Variants in NDST4 observed in about 807,000 individuals in gnomAD.
NDST4 encodes N-heparan sulfate sulfotransferase 4.
NDST4 carries 63 observed loss-of-function variants against 100.8 expected under a neutral mutation model. That is an observed-to-expected ratio of 0.62 (90% CI 0.51 to 0.77). The LOEUF is 0.77. NDST4 is among the 30% of genes least tolerant of loss of function. The pLI, the probability that NDST4 is intolerant of heterozygous loss-of-function variation, is 0.00. For missense variants in NDST4, 943 were observed against 1,018.4 expected, an observed-to-expected ratio of 0.93 and a Z score of 1.01; for synonymous variants, 377 against 361.8, an observed-to-expected ratio of 1.04 and a Z score of -0.48.
intron 6 of NDST4, among the ~76,000 whole-genome samples, chr4:114,872,441 A>C (rs1724168139): frequency 1.3e-5 from 2 of 152,064 alleles, no homozygotes; most frequent in Non-Finnish European, 2.9e-5. Context: ...GATAGATATC[A>C]GTTCGTTGTT....
Position 114,839,631 on chromosome 4 carries a change from A to C in NDST4, c.2116-83T>G, listed in dbSNP as rs554935038. Reference sequence around the variant, plus strand: ...CATATGTGTATGGGTGAGCACATGCATGTGTGTGTTTGGTGTGTATGTATA... The same window carrying C: ...CATATGTGTATGGGTGAGCACATGCCTGTGTGTGTTTGGTGTGTATGTATA... On this transcript the variant is annotated intron_variant, in intron 10 of 13. Coordinates refer to ENST00000264363, the MANE Select transcript of NDST4 (RefSeq NM_022569.3). The C allele has an allele frequency of 1.1e-4, 138 of 1,246,002 alleles. No homozygotes were observed. In the African/African-American group the frequency reaches 1.9e-3, roughly 17 times the overall value. The allele number at this position is 1,246,002 out of a possible 1,614,324, so 77.2% of individuals were successfully genotyped here.
At chr4:115,087,534 T>A (rs1217161443) in intron 1 of NDST4, among the ~76,000 whole-genome samples, 107 of 152,094 alleles carry the variant, frequency 7.0e-4, no homozygotes, top group African/African-American at 2.4e-3. Flanking sequence ...TGACAGTGGA[T>A]GGTTTTAAAG....
chr4:114,947,826 A>G (rs1725899650), intron 4 of NDST4, among the ~76,000 whole-genome samples: 1 of 152,136 alleles, frequency 6.6e-6, no homozygotes, highest in Admixed American at 6.6e-5. Context: ...GCAGCACACA[A>G]ATAAAATATT....
At chr4:114,943,780 G>A (rs574235694) in intron 4 of NDST4, among the ~76,000 whole-genome samples, 1 of 152,084 alleles carries the variant, frequency 6.6e-6, no homozygotes, top group African/African-American at 2.4e-5. Context: ...TTATTTTTCT[G>A]TGCCTCAAAT....
chr4:114,997,160 T>G (rs1727182999), intron 2 of NDST4, among the ~76,000 whole-genome samples: 1 of 152,096 alleles, frequency 6.6e-6, no homozygotes, highest in Non-Finnish European at 1.5e-5. Flanking sequence ...GAGCTTTTGC[T>G]TATGTGGAGT....
rs921545124 is a variant in NDST4 at position 114,976,302 on chromosome 4, A to T, written c.1066+885T>A. ...GAAACAACAACAGTGCAAACTTCTA[A>T]ACAAAGCAATCAGTTCACAGCATGG... On this transcript the variant is annotated intron_variant, in intron 3 of 13. Transcript: ENST00000264363. 2.6e-5 allele frequency among the ~76,000 whole-genome samples: 4 copies of T among 152,198 alleles called. No homozygotes were observed. In the East Asian group the frequency reaches 7.7e-4, roughly 29 times the overall value.
chr4:114,918,729 A>G (rs952125593), intron 6 of NDST4, among the ~76,000 whole-genome samples: 1 of 152,062 alleles, frequency 6.6e-6, no homozygotes, highest in Non-Finnish European at 1.5e-5. Flanking sequence ...CCGGTCAGAG[A>G]TCAACTATTT....
At chr4:114,967,444 T>C (rs192683444) in intron 4 of NDST4, among the ~76,000 whole-genome samples, 163 of 152,222 alleles carry the variant, frequency 1.1e-3, no homozygotes, top group African/African-American at 3.7e-3. Flanking sequence ...TACAAAGCAA[T>C]TACATCTGAG....
intron 4 of NDST4, among the ~76,000 whole-genome samples, chr4:114,944,492 T>C (rs1404763035): frequency 1.3e-5 from 2 of 152,210 alleles, no homozygotes; most frequent in Non-Finnish European, 2.9e-5. Context: ...ACCCTACTTA[T>C]TCCTTTGTAA....
In NDST4 at chr4:114,935,215, A is replaced by T. The variant is rs774817385; in HGVS notation, c.1527T>A (p.Leu509=). The T allele has an allele frequency of 3.7e-6, 6 of 1,606,560 alleles. No individual in the cohort carries two copies. The highest frequency in any genetic ancestry group is 5.1e-6 in the Non-Finnish European group (6 of 1,176,766). The change falls in exon 6 of 14, where the codon CTT becomes CTA. Residue 509 remains leucine, a synonymous_variant. Transcript: ENST00000264363. ...TACATAGAATACATACTGGGTTTAG[A>T]AGGATTGTGAGAAAAAGTTCACCTC... ...IRGGELFLTI[L]LNPISIFMTH... is the part of the protein sequence containing the mutation.
At chr4:115,062,235 GA>G (rs1728840064) in intron 2 of NDST4, among the ~76,000 whole-genome samples, 1 of 151,944 alleles carries the variant, frequency 6.6e-6, no homozygotes, top group Non-Finnish European at 1.5e-5. Flanking sequence ...CAAGGCAATT[GA>G]AATACTTTTT....
intron 8 of NDST4, among the ~76,000 whole-genome samples, chr4:114,849,311 G>A (rs1419595393): frequency 6.6e-6 from 1 of 152,160 alleles, no homozygotes; most frequent in African/African-American, 2.4e-5. Context: ...TTTTCTTCTG[G>A]AAAAGGTAAA....
At chr4:114,990,915 G>A (rs1204652410) in intron 2 of NDST4, among the ~76,000 whole-genome samples, 1 of 152,040 alleles carries the variant, frequency 6.6e-6, no homozygotes, top group Non-Finnish European at 1.5e-5. Context: ...GTTCTGCATT[G>A]TTAGCTGCTA....
intron 6 of NDST4, among the ~76,000 whole-genome samples, chr4:114,914,142 T>A (rs1725119905): frequency 6.6e-6 from 1 of 151,816 alleles, no homozygotes; most frequent in East Asian, 1.9e-4. Context: ...AACAATTGAA[T>A]TCATGGAGAT....
At chr4:114,865,938 T>C (rs1420399509) in intron 7 of NDST4, among the ~76,000 whole-genome samples, 3 of 152,198 alleles carry the variant, frequency 2.0e-5, no homozygotes, top group Non-Finnish European at 4.4e-5. Context: ...GTATATAACA[T>C]ACTATCGCTA....
At chr4:114,880,697 C>G (rs1724348864) in intron 6 of NDST4, among the ~76,000 whole-genome samples, 1 of 152,030 alleles carries the variant, frequency 6.6e-6, no homozygotes, top group Non-Finnish European at 1.5e-5. Context: ...ATAAATTATC[C>G]ATAGTTTTTG....
At position 115,044,659 on chromosome 4, in the gene NDST4, G is replaced by T. The variant is rs552728884; in HGVS notation, c.978+31400C>A. Among the ~76,000 whole-genome samples the T allele has an allele frequency of 2.0e-5, 3 of 150,618 alleles. No homozygotes were observed. The East Asian group carries it at 5.9e-4, about 30-fold the overall frequency. On this transcript the variant is annotated intron_variant, in intron 2 of 13. Transcript: ENST00000264363. ...ATTCAAAACCAAATATACCAAACAT[G>T]TTAGGAAACAAGACACCATGAGTAA...
At chr4:114,945,047 T>TA (rs1035857423) in intron 4 of NDST4, among the ~76,000 whole-genome samples, 2 of 151,540 alleles carry the variant, frequency 1.3e-5, no homozygotes, top group Non-Finnish European at 2.9e-5. Context: ...CTGTCTCTAC[T>TA]AAAAATACAA....
chr4:115,105,453 G>T (rs893455667), intron 1 of NDST4, among the ~76,000 whole-genome samples: 5 of 151,754 alleles, frequency 3.3e-5, no homozygotes, highest in Non-Finnish European at 7.4e-5. Context: ...TTACTCTAGG[G>T]CATATCCTGA....
Sources: allele counts gnomAD v4.1 joint callset (sites outside exome capture counted in the v4.1 genomes callset), GRCh38; gene constraint gnomAD v4.1.1; transcripts MANE v1.5; gene names NCBI Gene and HGNC (gene_info 2026-07-23, HGNC 2026-07-21).